The following NRG2 variants were observed in gnomAD, a reference collection of about 807,000 sequenced individuals.
NRG2 encodes the protein neuregulin 2, also known as pro-neuregulin-2, membrane-bound isoform.
A neutral mutation model predicts 73.9 loss-of-function variants in NRG2; 27 were observed. The observed-to-expected ratio is 0.37, with a 90% confidence interval of 0.27 to 0.50. The LOEUF is 0.50. Ranked by LOEUF, NRG2 falls within the 20% of genes least tolerant of loss-of-function variation. The probability of loss-of-function intolerance (pLI) is 0.96; values close to 1 mark genes in which losing one functional copy is unlikely to be tolerated. For missense variants in NRG2, 1,126 were observed against 1,210.1 expected, an observed-to-expected ratio of 0.93 and a Z score of 1.03; for synonymous variants, 532 against 541.0, an observed-to-expected ratio of 0.98 and a Z score of 0.23.
rs1241540785 is a variant in NRG2, at chr5:140,042,603, C to A, written c.467G>T (p.Gly156Val). ...SNSTREPPASGRVALVKVLDK... is the reference protein window; with the variant it reads ...SNSTREPPASVRVALVKVLDK... ...CAGCACCTTTACCAACGCCACCCGA[C>A]CCGAGGCGGGCGGCTCTCGGGTGCT... The change falls in exon 1 of 10, where the codon GGT becomes GTT. Residue 156 changes from glycine (G) to valine (V), a missense_variant. By Grantham distance (109) the Gly-to-Val change is moderately radical. Around this residue, in one of 3 missense-constraint regions of NRG2, gnomAD observed 539 missense variants for 703.2 expected, o/e 0.77. Transcript: ENST00000361474. 1 of 1,611,980 alleles carries A rather than the reference C, an allele frequency of 6.2e-7. No homozygotes were observed. The highest frequency in any genetic ancestry group is 1.7e-5 in the Admixed American group (1 of 59,996).
chr5:139,880,808 C>A, intron 3 of NRG2, 48 bp downstream of exon 3: 1 of 1,504,198 alleles, frequency 6.6e-7, no homozygotes, highest in South Asian at 1.2e-5. Context: ...CACTGGCCCG[C>A]CCTGCCAAAC....
intron 1 of NRG2, among the ~76,000 whole-genome samples, chr5:140,041,346 G>A (rs1761901458): frequency 6.6e-6 from 1 of 152,194 alleles, no homozygotes; most frequent in Non-Finnish European, 1.5e-5. Context: ...ATACTCCAGT[G>A]TGGGACAATT....
At chr5:139,860,378 T>A (rs1762078257) in intron 5 of NRG2, among the ~76,000 whole-genome samples, 1 of 151,954 alleles carries the variant, frequency 6.6e-6, no homozygotes, top group African/African-American at 2.4e-5. Context: ...CCAATTTTTT[T>A]TTTTTTGTTC....
intron 1 of NRG2, among the ~76,000 whole-genome samples, chr5:139,985,675 C>A (rs888175289): frequency 1.3e-5 from 2 of 152,208 alleles, no homozygotes; most frequent in African/African-American, 2.4e-5. Context: ...CCTTTTGAAG[C>A]TAACCATAGG....
chr5:139,910,812 C>T (rs1485661550), intron 1 of NRG2, among the ~76,000 whole-genome samples: 1 of 152,170 alleles, frequency 6.6e-6, no homozygotes, highest in Non-Finnish European at 1.5e-5. Flanking sequence ...CATTAGGAGG[C>T]TCTTCTTGCT....
Position 139,859,841 on chromosome 5 carries a change from G to C in NRG2, c.1190-4063C>G. The C allele has an allele frequency of 2.5e-6, 4 of 1,597,978 alleles. No homozygotes were observed. In the African/African-American group the frequency reaches 5.4e-5, roughly 21 times the overall value. ...AGCACACATGGCATCGGAGGCTGTG[G>C]AGAGGGGCCACGCAGATGGTGCTGA... is the stretch of plus-strand genomic sequence containing the variant. On this transcript the variant is annotated intron_variant, in intron 5 of 9. Coordinates refer to ENST00000361474, the MANE Select transcript of NRG2 (RefSeq NM_004883.3).
At chr5:139,947,708 C>G (rs1040226846) in intron 1 of NRG2, among the ~76,000 whole-genome samples, 2 of 152,182 alleles carry the variant, frequency 1.3e-5, no homozygotes, top group Admixed American at 6.5e-5. Flanking sequence ...TCCTTGCCAA[C>G]ATTTATTATT....
Position 140,042,980 on chromosome 5 carries a change from G to A in NRG2, c.90C>T (p.Ser30=). Residue 30 remains serine, a synonymous_variant, in exon 1 of 10, where the codon AGC becomes AGT. Transcript: ENST00000361474. The part of the protein sequence containing the change: ...SSYSDSSSSS[S]ERSSSSSSSS... ...TGCTGCTGCTGCTGCTGCTCCTCTC[G>A]CTGCTGCTGCTGCTGCTGTCGCTGT... 7.0e-7 allele frequency: 1 copy of A among 1,422,540 alleles called. No individual in the cohort carries two copies. 88.1% of individuals were successfully genotyped at this position (1,422,540 alleles called of 1,614,324 possible).
intron 1 of NRG2, among the ~76,000 whole-genome samples, chr5:139,987,150 T>C (rs1026172766): frequency 2.0e-5 from 3 of 151,746 alleles, no homozygotes; most frequent in African/African-American, 7.3e-5. Flanking sequence ...GGCGGGCAGA[T>C]TGCCTGAGCT....
rs1761805478 is a variant in NRG2, at chr5:139,856,274, G to GC, written c.1190-497dup. 6.0e-6 allele frequency: 1 copy of GC among 168,060 alleles called. No individual in the cohort carries two copies. Among genetic ancestry groups the GC allele is most frequent in the Non-Finnish European group, 1.3e-5 (1 of 76,362 alleles). The allele number at this position is 168,060 out of a possible 1,614,324, so 10.4% of individuals were successfully genotyped here. ...GCAGCCTGGTCAGGGAGTGGCCCTG[G>GC]CCCCCTCCAGGCCTGCTATCTCTGC... On this transcript the variant is annotated intron_variant, in intron 5 of 9. Coordinates refer to ENST00000361474, the MANE Select transcript of NRG2 (RefSeq NM_004883.3). The surrounding 1 kb of genome is among the most constrained non-coding windows in gnomAD (Gnocchi z 4.2).
intron 1 of NRG2, among the ~76,000 whole-genome samples, chr5:140,039,687 C>T (rs767278542): frequency 1.6e-4 from 25 of 151,996 alleles, no homozygotes; most frequent in Non-Finnish European, 3.5e-4. Context: ...CCATATTTTG[C>T]CCCCCTCCAA....
In NRG2 at chr5:139,869,106, C is replaced by A. The variant is rs1298624359; in HGVS notation, c.1112+2615G>T. Among the ~76,000 whole-genome samples, 2 of 151,854 alleles carry A rather than the reference C, an allele frequency of 1.3e-5. No individual in the cohort carries two copies. Among genetic ancestry groups the A allele is most frequent in the Non-Finnish European group, 2.9e-5 (2 of 67,946 alleles). On this transcript the variant is annotated intron_variant, in intron 4 of 9. Transcript: ENST00000361474. This position sits in a 1 kb window ranked among gnomAD's most constrained non-coding sequence, Gnocchi z 4.5. The stretch of plus-strand genomic sequence containing the variant: ...TTGATTTGGACTCCCATTTTCAAAT[C>A]CCCCTACGTTGTCTTTTTTTAAAAC...
intron 1 of NRG2, among the ~76,000 whole-genome samples, chr5:139,987,240 C>A (rs1229034601): frequency 6.6e-6 from 1 of 151,174 alleles, no homozygotes; most frequent in Non-Finnish European, 1.5e-5. Flanking sequence ...ATTAGCCGAG[C>A]GTGGCGGTGA....
chr5:139,848,761 G>T, intron 9 of NRG2, 64 bp from the exon 10 acceptor site: 2 of 692,830 alleles, frequency 2.9e-6, no homozygotes, highest in Non-Finnish European at 4.2e-6. Flanking sequence ...AGGGGGGGTT[G>T]GGGGTGGGGT....
intron 1 of NRG2, among the ~76,000 whole-genome samples, chr5:139,929,188 T>C (rs991810174): frequency 2.6e-5 from 4 of 152,254 alleles, no homozygotes; most frequent in African/African-American, 9.6e-5. Context: ...GTCATTGTTC[T>C]GCCTCACACA....
At chr5:139,932,410 A>G (rs777008593) in intron 1 of NRG2, among the ~76,000 whole-genome samples, 2 of 146,490 alleles carry the variant, frequency 1.4e-5, no homozygotes, top group Non-Finnish European at 3.0e-5. Flanking sequence ...TTATTAGTAG[A>G]TTTTTTTTTT....
chr5:139,953,856 A>G (rs2126474673), intron 1 of NRG2, among the ~76,000 whole-genome samples: 1 of 152,254 alleles, frequency 6.6e-6, no homozygotes, highest in East Asian at 1.9e-4. Context: ...CCCATCTGAC[A>G]ATAGGGAGAA....
chr5:139,848,637 C>T lies in NRG2; in HGVS notation c.1833G>A (p.Leu611=), dbSNP rs904160844. The change falls in exon 10 of 10, where the codon CTG becomes CTA. Residue 611 remains leucine, a synonymous_variant. Transcript: ENST00000361474. ...RLSPVDFHYS[L]ATQVPTFEIT... ...TCTCGAAAGTTGGCACCTGCGTGGCCAGCGAGTAGTGGAAGTCCACGGGCG... is the reference window on the plus strand; with the variant it reads ...TCTCGAAAGTTGGCACCTGCGTGGCTAGCGAGTAGTGGAAGTCCACGGGCG... 1.3e-6 allele frequency: 2 copies of T among 1,576,868 alleles called. No individual in the cohort carries two copies. Among genetic ancestry groups the T allele is most frequent in the Non-Finnish European group, 1.7e-6 (2 of 1,170,974 alleles).
intron 1 of NRG2, among the ~76,000 whole-genome samples, chr5:139,952,591 G>A (rs1754294608): frequency 6.6e-6 from 1 of 152,168 alleles, no homozygotes; most frequent in South Asian, 2.1e-4. Flanking sequence ...GTCTGGGCTG[G>A]AAGCAGGGAA....
Sources: allele counts gnomAD v4.1 joint callset (sites outside exome capture counted in the v4.1 genomes callset), GRCh38; gene constraint gnomAD v4.1.1; regional missense constraint gnomAD v4.1.1; non-coding constraint Gnocchi (gnomAD v3.1); transcripts MANE v1.5; gene names NCBI Gene and HGNC (gene_info 2026-07-23, HGNC 2026-07-21).